Variants in ADCY8 observed in about 807,000 individuals in gnomAD.
ADCY8 encodes adenylate cyclase type 8.
Under a neutral mutation model 119.7 loss-of-function variants are expected in ADCY8, and 51 were observed. The observed-to-expected ratio is 0.43, with a 90% CI of 0.34 to 0.54. The LOEUF (loss-of-function observed/expected upper bound fraction) is 0.54. Ranked by LOEUF, ADCY8 falls within the 20% of genes least tolerant of loss-of-function variation. The pLI, the probability that ADCY8 is intolerant of heterozygous loss-of-function variation, is 0.03. For missense variants in ADCY8, 1,383 were observed against 1,598.8 expected (o/e 0.87, Z 2.30); for synonymous variants, 665 against 651.0 (o/e 1.02, Z -0.33).
intron 2 of ADCY8, among the ~76,000 whole-genome samples, chr8:130,959,915 A>G (rs576510236): frequency 8.9e-4 from 136 of 152,216 alleles, no homozygotes; most frequent in Admixed American, 3.5e-3. Flanking sequence ...GAGAGTTACC[A>G]GAAGCAACTA....
chr8:130,783,746 T>C lies in ADCY8; in HGVS notation c.3213A>G (p.Thr1071=). The C allele has an allele frequency of 6.2e-7, 1 of 1,613,964 alleles. No homozygotes were observed. Among genetic ancestry groups the C allele is most frequent in the South Asian group, 1.1e-5 (1 of 91,050 alleles). ...CALADFSLAL[T]ESIQEINKHS... is the part of the protein sequence containing the mutation. ...GCTTGTTGATCTCCTGTATGCTTTC[T>C]GTCAGGGCGAGTGAGAAGTCAGCCA... Residue 1071 remains threonine, a synonymous_variant, in exon 17 of 18, where the codon ACA becomes ACG. Coordinates refer to ENST00000286355, the MANE Select transcript of ADCY8 (RefSeq NM_001115.3).
intron 1 of ADCY8, among the ~76,000 whole-genome samples, chr8:131,026,523 G>A (rs1165664725): frequency 1.3e-5 from 2 of 152,248 alleles, no homozygotes; most frequent in Non-Finnish European, 2.9e-5. Flanking sequence ...AGAGAAGGTG[G>A]GGTCTGTGCC....
rs752321769 is a variant in ADCY8 at position 130,807,983 on chromosome 8, C to CAA, written c.2913+6084_2913+6085dup. ...TGGGTGACAGAGCGAGACTCCGTCT[C>CAA]AAAAAAAAAAAAAAAAAAAAAAAAA... On this transcript the variant is annotated intron_variant, in intron 14 of 17. Coordinates refer to ENST00000286355, the MANE Select transcript of ADCY8 (RefSeq NM_001115.3). Among the ~76,000 whole-genome samples, 177 of 47,230 alleles carry CAA rather than the reference C, an allele frequency of 3.7e-3. 32 individuals carry two copies. The highest frequency in any genetic ancestry group is 8.2e-3 in the South Asian group (4 of 488). 31.0% of individuals were successfully genotyped at this position (47,230 alleles called of 152,430 possible).
intron 11 of ADCY8, among the ~76,000 whole-genome samples, chr8:130,838,808 G>A (rs1365551702): frequency 1.4e-5 from 2 of 141,318 alleles, no homozygotes; most frequent in African/African-American, 2.4e-5. Flanking sequence ...AAAGGAAGTC[G>A]TGGTCTAAAA....
At chr8:130,902,357 A>C (rs975850099) in intron 7 of ADCY8, among the ~76,000 whole-genome samples, 1 of 152,168 alleles carries the variant, frequency 6.6e-6, no homozygotes, top group African/African-American at 2.4e-5. Flanking sequence ...ATGCACACCA[A>C]CTCAGAGATG....
At chr8:131,033,337 T>A (rs1824050931) in intron 1 of ADCY8, among the ~76,000 whole-genome samples, 2 of 152,202 alleles carry the variant, frequency 1.3e-5, no homozygotes, top group South Asian at 4.1e-4. Context: ...GAATATGGAA[T>A]AAACTCTTTT....
chr8:130,996,812 A>G (rs1822791962), intron 1 of ADCY8, among the ~76,000 whole-genome samples: 1 of 152,204 alleles, frequency 6.6e-6, no homozygotes, highest in Non-Finnish European at 1.5e-5. Flanking sequence ...GTTCTTATTA[A>G]CAAAACCAAT....
At chr8:130,922,608 T>A (rs1466079581) in intron 5 of ADCY8, among the ~76,000 whole-genome samples, 2 of 151,994 alleles carry the variant, frequency 1.3e-5, no homozygotes, top group Non-Finnish European at 2.9e-5. Context: ...CATGTCTACC[T>A]CTTTCTACAC....
intron 11 of ADCY8, among the ~76,000 whole-genome samples, chr8:130,844,744 G>A (rs1054028270): frequency 3.9e-5 from 6 of 152,186 alleles, no homozygotes; most frequent in African/African-American, 1.4e-4. Context: ...CAGATCAGGT[G>A]GTTGTTGCAG....
rs1397738798 is a variant in ADCY8 at position 130,847,426 on chromosome 8, C to T, written c.2500G>A (p.Glu834Lys). 1 of 1,608,864 alleles carries T rather than the reference C, an allele frequency of 6.2e-7. No individual in the cohort carries two copies. The highest frequency in any genetic ancestry group is 8.5e-7 in the Non-Finnish European group (1 of 1,177,298). The change falls in exon 11 of 18, where the codon GAG (glutamate) becomes AAG (lysine). Residue 834 changes from glutamate (E) to lysine (K), a missense_variant and splice_region_variant. Transcript: ENST00000286355. ...AAGGGGAGCTCATAAATAAATACCTCTGGGTAGGAGCAGATATCTGTAAAC... is the reference window on the plus strand; with the variant it reads ...AAGGGGAGCTCATAAATAAATACCTTTGGGTAGGAGCAGATATCTGTAAAC... Reference protein sequence around the residue: ...AVFTDICSYPEYFVFTGVLAM... With the variant: ...AVFTDICSYPKYFVFTGVLAM...
At chr8:131,012,849 C>T (rs1198031836) in intron 1 of ADCY8, among the ~76,000 whole-genome samples, 1 of 152,164 alleles carries the variant, frequency 6.6e-6, no homozygotes, top group African/African-American at 2.4e-5. Context: ...TTTCTGCTTC[C>T]AACTTTTCTC....
intron 5 of ADCY8, 134 bp downstream of exon 5, chr8:130,936,939 C>G: frequency 9.1e-7 from 1 of 1,095,100 alleles, no homozygotes; most frequent in Non-Finnish European, 1.3e-6. Context: ...AACTAAGGGG[C>G]ACACAGTTTT....
chr8:131,006,092 C>T (rs1338374132), intron 1 of ADCY8, among the ~76,000 whole-genome samples: 2 of 152,004 alleles, frequency 1.3e-5, no homozygotes, highest in East Asian at 3.9e-4. Flanking sequence ...CCTCAGCATG[C>T]TTCACAATGC....
chr8:130,918,451 G>A (rs1820197034), intron 5 of ADCY8, among the ~76,000 whole-genome samples: 1 of 152,050 alleles, frequency 6.6e-6, no homozygotes, highest in Non-Finnish European at 1.5e-5. Flanking sequence ...GGAATTTGAG[G>A]GGGATAAAAT....
intron 11 of ADCY8, among the ~76,000 whole-genome samples, chr8:130,845,556 C>T (rs373878050): frequency 6.6e-6 from 1 of 152,162 alleles, no homozygotes; most frequent in Non-Finnish European, 1.5e-5. Context: ...GGGCCACTTA[C>T]TCTCTCCAAA....
chr8:130,880,220 C>T (rs191997363), intron 8 of ADCY8, among the ~76,000 whole-genome samples: 20 of 152,216 alleles, frequency 1.3e-4, no homozygotes, highest in African/African-American at 3.9e-4. Flanking sequence ...TGGACTAATA[C>T]GGTTGTGTAC....
chr8:130,797,217 T>G (rs1393552692), intron 15 of ADCY8, among the ~76,000 whole-genome samples: 1 of 151,620 alleles, frequency 6.6e-6, no homozygotes, highest in Non-Finnish European at 1.5e-5. Flanking sequence ...TCTTAAAACA[T>G]TATGAGACTT....
intron 1 of ADCY8, among the ~76,000 whole-genome samples, chr8:131,022,263 T>A (rs180678635): frequency 6.6e-6 from 1 of 152,230 alleles, no homozygotes; most frequent in Non-Finnish European, 1.5e-5. Flanking sequence ...TCTAAAGCTA[T>A]CCCTCCCCTA....
At chr8:130,998,727 G>A (rs1008311052) in intron 1 of ADCY8, among the ~76,000 whole-genome samples, 2 of 152,182 alleles carry the variant, frequency 1.3e-5, no homozygotes, top group African/African-American at 4.8e-5. Context: ...GACCACAGTG[G>A]TAATTATGCA....
Sources: gnomAD v4.1 joint callset for allele counts (sites outside exome capture counted in the v4.1 genomes callset) on GRCh38, gnomAD v4.1.1 for gene constraint, MANE v1.5 for transcripts, NCBI Gene and HGNC (gene_info 2026-07-23, HGNC 2026-07-21) for gene names.